Variants in IPO11 observed in about 807,000 individuals in gnomAD.
The protein encoded by IPO11 is importin-11.
IPO11 carries 66 observed loss-of-function variants against 143.2 expected under a neutral mutation model. That is an observed-to-expected ratio of 0.46 (90% CI 0.38 to 0.57). IPO11 has a LOEUF of 0.57. Among genes scored for constraint, IPO11 ranks in the 20% least tolerant of loss-of-function variants. The pLI is 0.00. For synonymous variants in IPO11, 385 were observed against 377.8 expected, an observed-to-expected ratio of 1.02 and a Z score of -0.22; for missense variants, 1,026 against 1,141.0, an observed-to-expected ratio of 0.90 and a Z score of 1.45.
Position 62,514,949 on chromosome 5 carries a change from T to G in IPO11, c.1783-439T>G, listed in dbSNP as rs368138600. Among the ~76,000 whole-genome samples, 42 of 152,328 alleles carry G rather than the reference T, an allele frequency of 2.8e-4. No individual in the cohort carries two copies. The South Asian group carries it at 8.1e-3, about 29-fold the overall frequency. On this transcript the variant is annotated intron_variant, in intron 19 of 29. Coordinates refer to ENST00000325324, the MANE Select transcript of IPO11 (RefSeq NM_016338.5). ...TTCATTGTAAGGGTTTGTCTGGCTGTCTGTGTATCCTTTTCTGTCCAGTGC... is the reference window on the plus strand; with the variant it reads ...TTCATTGTAAGGGTTTGTCTGGCTGGCTGTGTATCCTTTTCTGTCCAGTGC...
At chr5:62,439,519 C>T (rs1217297061) in intron 2 of IPO11, among the ~76,000 whole-genome samples, 5 of 151,510 alleles carry the variant, frequency 3.3e-5, no homozygotes, top group African/African-American at 1.2e-4. Context: ...AATCTCTTGG[C>T]CTTGTGATCC....
chr5:62,501,393 A>T (rs1741344443), intron 16 of IPO11, among the ~76,000 whole-genome samples: 1 of 152,254 alleles, frequency 6.6e-6, no homozygotes. Flanking sequence ...AGACATCAAA[A>T]TATTAGACCT....
chr5:62,484,289 T>TA, intron 11 of IPO11, 127 bp downstream of exon 11: 1 of 730,794 alleles, frequency 1.4e-6, no homozygotes, highest in South Asian at 3.0e-5. Flanking sequence ...TGTTTTAAAA[T>TA]TAACTTACTC....
chr5:62,506,944 T>C (rs946955328), intron 19 of IPO11, among the ~76,000 whole-genome samples: 3 of 152,206 alleles, frequency 2.0e-5, no homozygotes, highest in Non-Finnish European at 4.4e-5. Flanking sequence ...GTGATTTGCA[T>C]TGTATTAGGA....
chr5:62,551,896 T>C (rs1378410883), intron 26 of IPO11, among the ~76,000 whole-genome samples: 1 of 152,002 alleles, frequency 6.6e-6, no homozygotes, highest in Non-Finnish European at 1.5e-5. Context: ...GAGGCTGAGG[T>C]GGGTGGATCA....
chr5:62,418,301 G>A (rs1466994939), intron 1 of IPO11, among the ~76,000 whole-genome samples: 1 of 152,036 alleles, frequency 6.6e-6, no homozygotes, highest in Admixed American at 6.6e-5. Flanking sequence ...GAGTAGCTGG[G>A]ATTACAGACG....
At chr5:62,572,024 G>A (rs1744146689) in intron 27 of IPO11, among the ~76,000 whole-genome samples, 1 of 152,126 alleles carries the variant, frequency 6.6e-6, no homozygotes, top group East Asian at 1.9e-4. Flanking sequence ...GACTAATAAA[G>A]GCTAATTACC....
intron 24 of IPO11, among the ~76,000 whole-genome samples, chr5:62,546,427 A>T (rs1743188636): frequency 6.6e-6 from 1 of 152,196 alleles, no homozygotes; most frequent in Admixed American, 6.5e-5. Context: ...GAAGGGGAAC[A>T]TCACACACTG....
At chr5:62,567,495 A>ATTATTT (rs1554055753) in intron 27 of IPO11, among the ~76,000 whole-genome samples, 3 of 126,970 alleles carry the variant, frequency 2.4e-5, no homozygotes, top group Non-Finnish European at 3.2e-5. Flanking sequence ...TATTATTATT[A>ATTATTT]TTTTTTTTAC....
At position 62,580,206 on chromosome 5, in the gene IPO11, C is replaced by A. The variant is rs530202454; in HGVS notation, c.2583-11371C>A. On this transcript the variant is annotated intron_variant, in intron 27 of 29. Transcript: ENST00000325324. ...TTAAAGGACTTGCCAATCTGGAATA[C>A]CTCCTCCTGAAAAATTCAAGAATTA... The A allele has an allele frequency of 4.7e-5, 73 of 1,551,002 alleles. 1 individual carries two copies. The Admixed American group carries it at 1.2e-3, about 26-fold the overall frequency.
chr5:62,483,539 G>T (rs1004927878), intron 10 of IPO11: 1 of 386,338 alleles, frequency 2.6e-6, no homozygotes, highest in Admixed American at 4.3e-5. Flanking sequence ...TTAAGAATTA[G>T]GTACTATAGT....
intron 28 of IPO11, among the ~76,000 whole-genome samples, chr5:62,596,956 T>C (rs1745252074): frequency 6.6e-6 from 1 of 152,226 alleles, no homozygotes; most frequent in African/African-American, 2.4e-5. Flanking sequence ...GTCAAGCCCT[T>C]ATCCTCCTTC....
chr5:62,579,719 C>G (rs1468621016), intron 27 of IPO11: 4 of 1,548,258 alleles, frequency 2.6e-6, no homozygotes, highest in Non-Finnish European at 3.5e-6. Context: ...TTGGATAATT[C>G]TAACATTCTG....
chr5:62,572,268 A>G (rs1744153074), intron 27 of IPO11, among the ~76,000 whole-genome samples: 1 of 152,204 alleles, frequency 6.6e-6, no homozygotes, highest in African/African-American at 2.4e-5. Flanking sequence ...TTAAAACCAC[A>G]TATCTCGTTT....
chr5:62,598,476 C>T (rs368083269), intron 28 of IPO11, among the ~76,000 whole-genome samples: 9 of 3,426 alleles, frequency 2.6e-3, no homozygotes, highest in Admixed American at 0.016. Flanking sequence ...CTCTCTCTCT[C>T]TCTCTCTCTC....
intron 1 of IPO11, among the ~76,000 whole-genome samples, chr5:62,427,001 G>A (rs1487100029): frequency 1.4e-5 from 2 of 141,426 alleles, no homozygotes; most frequent in Admixed American, 7.4e-5. Context: ...GCAATGGCGC[G>A]ATCTCGGCTC....
chr5:62,435,438 A>C, intron 1 of IPO11, among the ~76,000 whole-genome samples: 1 of 150,796 alleles, frequency 6.6e-6, no homozygotes, highest in East Asian at 2.0e-4. Flanking sequence ...AAAATAAAAA[A>C]TAAAAAAAAA....
intron 28 of IPO11, among the ~76,000 whole-genome samples, chr5:62,598,480 C>CTTTCTTTCTTTCTTTCTTTCTT: frequency 3.0e-4 from 1 of 3,332 alleles, no homozygotes; most frequent in South Asian, 0.011. Context: ...CTCTCTCTCT[C>CTTTCTTTCTTTCTTTCTTTCTT]TCTCTCTCTC....
chr5:62,426,814 A>G (rs1561305006), intron 1 of IPO11, among the ~76,000 whole-genome samples: 8 of 145,718 alleles, frequency 5.5e-5, no homozygotes, highest in Non-Finnish European at 1.5e-5. Flanking sequence ...TTTAATTTTT[A>G]TTTTTTTATA....
Sources: allele counts gnomAD v4.1 joint callset (sites outside exome capture counted in the v4.1 genomes callset), GRCh38; gene constraint gnomAD v4.1.1; transcripts MANE v1.5; gene names NCBI Gene and HGNC (gene_info 2026-07-23, HGNC 2026-07-21).